The following INTS14 variants were observed in gnomAD, a reference collection of about 807,000 sequenced individuals.
The protein encoded by INTS14 is integrator complex subunit 14.
A neutral mutation model predicts 56.9 loss-of-function variants in INTS14; 27 were observed. The observed-to-expected ratio is 0.47, with a 90% CI of 0.35 to 0.65. The LOEUF (loss-of-function observed/expected upper bound fraction) is 0.65, where lower values mean the gene tolerates loss of function less well. Among genes scored for constraint, INTS14 ranks in the 30% least tolerant of loss-of-function variants. INTS14 has a pLI of 0.00. For synonymous variants in INTS14, 207 were observed against 236.2 expected (o/e 0.88, Z 1.13); for missense variants, 517 against 632.2 (o/e 0.82, Z 1.95).
intron 6 of INTS14, among the ~76,000 whole-genome samples, chr15:65,597,879 A>G (rs1242383782): frequency 6.6e-6 from 1 of 152,170 alleles, no homozygotes; most frequent in Non-Finnish European, 1.5e-5. Flanking sequence ...AGATCAACTG[A>G]TGACCTTACC....
At chr15:65,580,575 A>G (rs1007680760) in intron 11 of INTS14, among the ~76,000 whole-genome samples, 1 of 152,224 alleles carries the variant, frequency 6.6e-6, no homozygotes. Context: ...TTATTTCACC[A>G]GCTTACTACA....
At chr15:65,604,371 C>T (rs1285051236) in intron 3 of INTS14, among the ~76,000 whole-genome samples, 1 of 152,250 alleles carries the variant, frequency 6.6e-6, no homozygotes, top group Non-Finnish European at 1.5e-5. Context: ...CATGAGCCAC[C>T]GCGCCTGGCT....
chr15:65,586,398 C>T (rs2141258502), intron 9 of INTS14: 1 of 152,346 alleles, frequency 6.6e-6, no homozygotes, highest in East Asian at 1.9e-4. Flanking sequence ...CCATTCAACA[C>T]TGCTGTTCCT....
At position 65,599,850 on chromosome 15, in the gene INTS14, CT is replaced by C. The variant is rs748611696; in HGVS notation, c.409del (p.Ser137ValfsTer40). 3 of 1,614,070 alleles carry C rather than the reference CT, an allele frequency of 1.9e-6. No individual in the cohort carries two copies. The African/African-American group carries it at 4.0e-5, about 22-fold the overall frequency. ...RHSLATQNQR[S>X]ESNRFPLPFP... ...AGGTAGTGGAAACCTGTTGCTCTCA[CT>C]TCGTTGATTTTGAGTGGCTAGGGAA... is the stretch of plus-strand genomic sequence containing the variant. On this transcript the variant is annotated frameshift_variant, in exon 4 of 12. Coordinates refer to ENST00000313182, the MANE Select transcript of INTS14 (RefSeq NM_001394796.1). LOFTEE classifies it high-confidence loss of function.
At chr15:65,604,041 C>A (rs1341710160) in intron 3 of INTS14, among the ~76,000 whole-genome samples, 1 of 152,170 alleles carries the variant, frequency 6.6e-6, no homozygotes, top group Non-Finnish European at 1.5e-5. Context: ...TGATTTGATA[C>A]TAATGTGGCC....
chr15:65,586,813 CAG>C (rs1351732273), intron 9 of INTS14: 1 of 151,896 alleles, frequency 6.6e-6, no homozygotes, highest in Non-Finnish European at 1.5e-5. Context: ...AAAAGGAGAA[CAG>C]AGAATACAGA....
At chr15:65,595,182 A>G (rs2073169636) in intron 7 of INTS14, among the ~76,000 whole-genome samples, 1 of 152,226 alleles carries the variant, frequency 6.6e-6, no homozygotes, top group African/African-American at 2.4e-5. Flanking sequence ...TTAAAGAGTT[A>G]GAGTCTAGCA....
intron 9 of INTS14, among the ~76,000 whole-genome samples, chr15:65,590,422 C>G (rs905180485): frequency 7.2e-5 from 11 of 152,198 alleles, no homozygotes; most frequent in African/African-American, 2.4e-4. Context: ...CCTGGTTCTT[C>G]ACATTTCAGA....
At chr15:65,597,895 A>ATTAT (rs1001032311) in intron 6 of INTS14, among the ~76,000 whole-genome samples, 1 of 152,204 alleles carries the variant, frequency 6.6e-6, no homozygotes, top group African/African-American at 2.4e-5. Context: ...TTACCATAAA[A>ATTAT]GACCAATATT....
In INTS14 at chr15:65,610,944, C is replaced by T; in HGVS notation, c.-63+154G>A. The T allele has an allele frequency of 4.1e-6, 6 of 1,469,592 alleles. No individual in the cohort carries two copies. In the South Asian group the frequency reaches 8.2e-5, roughly 20 times the overall value. The allele number at this position is 1,469,592 out of a possible 1,614,324, so 91.0% of individuals were successfully genotyped here. On this transcript the variant is annotated intron_variant, in intron 1 of 11. Transcript: ENST00000313182. Reference sequence around the variant, plus strand: ...GCGAGGGGAGGCCGGGAGCAGCGCCCCGGAACTGGCGCCTCACAGACAGCG... The same window carrying T: ...GCGAGGGGAGGCCGGGAGCAGCGCCTCGGAACTGGCGCCTCACAGACAGCG...
chr15:65,593,290 A>C (rs1015175755), intron 8 of INTS14, 138 bp downstream of exon 8: 2 of 1,023,622 alleles, frequency 2.0e-6, no homozygotes, highest in African/African-American at 3.3e-5. Context: ...CTGTAGTAGC[A>C]GGTGGGAAAA....
At chr15:65,602,454 T>C (rs2073473160) in intron 3 of INTS14, among the ~76,000 whole-genome samples, 1 of 151,884 alleles carries the variant, frequency 6.6e-6, no homozygotes, top group African/African-American at 2.4e-5. Context: ...TTAGCTAATT[T>C]TTGTATTTTT....
At chr15:65,600,654 CA>C (rs201916909) in intron 3 of INTS14, among the ~76,000 whole-genome samples, 14,478 of 114,374 alleles carry the variant, frequency 0.13, 1,039 homozygotes, top group African/African-American at 0.26. Flanking sequence ...CCTGGCCCCG[CA>C]AAAAAAAAAA....
At chr15:65,590,996 T>G (rs1245325940) in intron 9 of INTS14, among the ~76,000 whole-genome samples, 1 of 151,904 alleles carries the variant, frequency 6.6e-6, no homozygotes, top group Non-Finnish European at 1.5e-5. Context: ...GAGATCCAAC[T>G]AGGAACTGGA....
At chr15:65,594,759 T>C (rs182434234) in intron 7 of INTS14, among the ~76,000 whole-genome samples, 10 of 152,250 alleles carry the variant, frequency 6.6e-5, no homozygotes, top group African/African-American at 2.4e-4. Flanking sequence ...TTTTGCTTAA[T>C]TTCTTTCTTG....
intron 10 of INTS14, among the ~76,000 whole-genome samples, chr15:65,582,549 C>T (rs541572391): frequency 2.0e-5 from 3 of 152,160 alleles, no homozygotes; most frequent in Admixed American, 2.0e-4. Flanking sequence ...AAGTTTGAGA[C>T]CAGCCTGGGC....
At chr15:65,593,733 C>T (rs1300035721) in intron 7 of INTS14, among the ~76,000 whole-genome samples, 161 bp from the exon 8 acceptor site, 1 of 151,972 alleles carries the variant, frequency 6.6e-6, no homozygotes, top group Non-Finnish European at 1.5e-5. Flanking sequence ...CCAATATCTA[C>T]ATAAAAGTCA....
chr15:65,584,960 A>T, intron 9 of INTS14, 72 bp from the exon 10 acceptor site: 1 of 1,264,222 alleles, frequency 7.9e-7, no homozygotes, highest in Non-Finnish European at 1.1e-6. Flanking sequence ...TTAGACTAGA[A>T]GCTCTTTGAA....
chr15:65,602,296 T>C (rs2073465337), intron 3 of INTS14, among the ~76,000 whole-genome samples: 1 of 151,796 alleles, frequency 6.6e-6, no homozygotes, highest in Non-Finnish European at 1.5e-5. Context: ...CTTTTTTTTT[T>C]TTTTTTTAAG....
Sources: allele counts gnomAD v4.1 joint callset (sites outside exome capture counted in the v4.1 genomes callset), GRCh38; gene constraint gnomAD v4.1.1; transcripts MANE v1.5; gene names NCBI Gene and HGNC (gene_info 2026-07-23, HGNC 2026-07-21).